The following ACYP2 variants were observed in gnomAD, a reference collection of about 807,000 sequenced individuals.
The protein encoded by ACYP2 is acylphosphatase-2.
In ACYP2, 12 loss-of-function variants were observed where a neutral mutation model predicts 11.2. That is an observed-to-expected ratio of 1.08 (90% CI 0.69 to 1.74). The LOEUF (loss-of-function observed/expected upper bound fraction) is 1.74, where lower values mean the gene tolerates loss of function less well. Among genes scored for constraint, ACYP2 ranks in the 40% most tolerant of loss-of-function variants. The pLI, the probability that ACYP2 is intolerant of heterozygous loss-of-function variation, is 0.00. For synonymous variants in ACYP2, 43 were observed against 32.2 expected, an observed-to-expected ratio of 1.33 and a Z score of -1.13; for missense variants, 134 against 101.9, an observed-to-expected ratio of 1.31 and a Z score of -1.35.
At chr2:54,157,449 C>A (rs1310244252) in intron 6 of ACYP2, among the ~76,000 whole-genome samples, 1 of 152,120 alleles carries the variant, frequency 6.6e-6, no homozygotes, top group East Asian at 1.9e-4. Context: ...TTTATTTAAT[C>A]ATTCATCTAT....
chr2:54,203,542 G>T (rs1684942709), intron 6 of ACYP2, among the ~76,000 whole-genome samples: 1 of 152,114 alleles, frequency 6.6e-6, no homozygotes, highest in Non-Finnish European at 1.5e-5. Flanking sequence ...TCTTGTTATT[G>T]ATTGTAGGGG....
chr2:54,165,515 A>ACT (rs10575339), intron 6 of ACYP2, among the ~76,000 whole-genome samples: 2,387 of 131,266 alleles, frequency 0.018, 22 homozygotes, highest in Non-Finnish European at 0.026. Flanking sequence ...TCTCTCTTTC[A>ACT]CTCTCTCTCT....
intron 6 of ACYP2, among the ~76,000 whole-genome samples, chr2:54,252,938 A>G (rs13390991): frequency 0.013 from 2,012 of 151,992 alleles, 54 homozygotes; most frequent in African/African-American, 0.046. Context: ...GTATAATTCC[A>G]ATTTCACAAA....
chr2:54,210,810 A>G (rs1355850410), intron 6 of ACYP2, among the ~76,000 whole-genome samples: 1 of 152,172 alleles, frequency 6.6e-6, no homozygotes, highest in Non-Finnish European at 1.5e-5. Context: ...AACTCTTTAA[A>G]GCTCCATTAC....
Sources: gnomAD v4.1 joint callset for allele counts (sites outside exome capture counted in the v4.1 genomes callset) on GRCh38, gnomAD v4.1.1 for gene constraint, MANE v1.5 for transcripts, NCBI Gene and HGNC (gene_info 2026-07-23, HGNC 2026-07-21) for gene names.